Variants in CIC observed in about 807,000 individuals in gnomAD.
CIC encodes capicua transcriptional repressor.
Under a neutral mutation model 115.7 loss-of-function variants are expected in CIC, and 18 were observed. The observed-to-expected ratio is 0.16, with a 90% CI of 0.11 to 0.23. The LOEUF is 0.23. Ranked by LOEUF, CIC falls within the 10% of genes least tolerant of loss-of-function variation. CIC has a pLI of 1.00. For synonymous variants in CIC, 1,076 were observed against 923.0 expected (o/e 1.17, Z -3.01); for missense variants, 2,000 against 2,159.3 (o/e 0.93, Z 1.46).
At position 42,288,696 on chromosome 19, in the gene CIC, C is replaced by T. The variant is rs851608; in HGVS notation, c.3659-192C>T. On this transcript the variant is annotated intron_variant, in intron 7 of 20. Coordinates refer to ENST00000681038, the MANE Select transcript of CIC (RefSeq NM_001386298.1). The stretch of plus-strand genomic sequence containing the variant: ...CCCCAGGGAATGGGCCTGCTGCAAC[C>T]CCAGAGGGCAGGAATCAGCAGGAAT... Among the ~76,000 whole-genome samples the T allele has an allele frequency of 9.8e-3, 1,494 of 152,156 alleles. 32 individuals carry two copies. Among genetic ancestry groups the T allele is most frequent in the African/African-American group, 0.034 (1,428 of 41,518 alleles).
chr19:42,276,950 G>A (rs2147051732), intron 2 of CIC, among the ~76,000 whole-genome samples: 1 of 152,310 alleles, frequency 6.6e-6, no homozygotes, highest in South Asian at 2.1e-4. Flanking sequence ...AGTCTTGATT[G>A]AGGCCAGCCA....
rs2038084685 is a variant in CIC, at chr19:42,291,350, G to C, written c.5309G>C (p.Ser1770Thr). The change falls in exon 11 of 21, where the codon AGC (serine) becomes ACC (threonine). Residue 1770 changes from serine to threonine, a missense_variant. Ser to Thr is a moderately conservative substitution (Grantham distance 58, BLOSUM62 1). This residue lies in a region of CIC where 1,466 missense variants were observed against 1,390.4 expected (regional missense o/e 1.05). Coordinates refer to ENST00000681038, the MANE Select transcript of CIC (RefSeq NM_001386298.1). Reference sequence around the variant, plus strand: ...CCCAGCGGCCCTGCACCCACCACCAGCATCCGTTTCACCCTCCCACCGGGC... The same window carrying C: ...CCCAGCGGCCCTGCACCCACCACCACCATCCGTTTCACCCTCCCACCGGGC... ...AAPSGPAPTT[S>T]IRFTLPPGTS... The C allele has an allele frequency of 6.2e-7, 1 of 1,612,710 alleles. No homozygotes were observed. Among genetic ancestry groups the C allele is most frequent in the African/African-American group, 1.3e-5 (1 of 75,006 alleles).
chr19:42,272,808 C>A lies in CIC; in HGVS notation c.1025C>A (p.Pro342His). The change falls in exon 2 of 21, where the codon CCC becomes CAC. Residue 342 changes from proline (P) to histidine (H), a missense_variant. Pro to His is a moderately conservative substitution (Grantham distance 77). Transcript: ENST00000681038. ...TCCAGCCTACGCCTGCTGCGCCCCC[C>A]CTGGGAACCTGAGACCATGCTGAGG... Reference protein sequence around the residue: ...ARSSLRLLRPPWEPETMLRKP... With the variant: ...ARSSLRLLRPHWEPETMLRKP... 2.5e-6 allele frequency: 1 copy of A among 399,040 alleles called. No individual in the cohort carries two copies. Among genetic ancestry groups the A allele is most frequent in the Non-Finnish European group, 4.4e-6 (1 of 226,408 alleles). The allele number at this position is 399,040 out of a possible 1,614,324, so 24.7% of individuals were successfully genotyped here.
rs2147197977 is a variant in CIC, at chr19:42,287,626, C to A, written c.3391C>A (p.His1131Asn). ...GCACCGGGCCCTGGTCCACCAGCGT[C>A]ATCCCAACCAGGACAACCGGACCGT... ...KRHRALVHQRHPNQDNRTVSK... is the reference protein window; with the variant it reads ...KRHRALVHQRNPNQDNRTVSK... Residue 1131 changes from histidine to asparagine, a missense_variant, in exon 6 of 21, where the codon CAT becomes AAT. Physicochemically the swap from His to Asn is moderately conservative, Grantham distance 68. This residue lies in a region of CIC where 22 missense variants were observed against 93.8 expected (regional missense o/e 0.23). Transcript: ENST00000681038. The surrounding 1 kb of genome is among the most constrained non-coding windows in gnomAD (Gnocchi z 8.7). 2 of 1,614,024 alleles carry A rather than the reference C, an allele frequency of 1.2e-6. No homozygotes were observed. The highest frequency in any genetic ancestry group is 1.7e-6 in the Non-Finnish European group (2 of 1,180,050).
intron 2 of CIC, among the ~76,000 whole-genome samples, chr19:42,285,036 AG>A (rs2037531751): frequency 6.6e-6 from 1 of 151,988 alleles, no homozygotes; most frequent in African/African-American, 2.4e-5. Flanking sequence ...AGGGGTGCAG[AG>A]TAACTGGCTC....
At position 42,295,100 on chromosome 19, in the gene CIC, C is replaced by T; in HGVS notation, c.7463C>T (p.Pro2488Leu). ...AQAAPPLPPP[P>L]ESGPGQPGWE... Reference sequence around the variant, plus strand: ...GCTGCCCCGCCACTGCCTCCACCCCCAGAGTCGGGGCCTGGACAGCCTGGC... The same window carrying T: ...GCTGCCCCGCCACTGCCTCCACCCCTAGAGTCGGGGCCTGGACAGCCTGGC... Residue 2488 changes from proline (P) to leucine (L), a missense_variant, in exon 21 of 21, where the codon CCA becomes CTA. Transcript: ENST00000681038. The T allele has an allele frequency of 1.3e-6, 2 of 1,526,830 alleles. No individual in the cohort carries two copies. The highest frequency in any genetic ancestry group is 1.8e-6 in the Non-Finnish European group (2 of 1,142,416). The allele number at this position is 1,526,830 out of a possible 1,614,324, so 94.6% of individuals were successfully genotyped here. A position where few individuals can be genotyped will look rare whatever the true frequency, so the allele number is the denominator to read the frequency against.
chr19:42,271,607 C>T (rs1044545529), intron 1 of CIC, among the ~76,000 whole-genome samples, 167 bp from the exon 2 acceptor site: 2 of 152,118 alleles, frequency 1.3e-5, no homozygotes, highest in Non-Finnish European at 2.9e-5. Context: ...CTCACCTGTG[C>T]CTGGTGCTGA....
At chr19:42,269,996 G>T (rs1378699617) in intron 1 of CIC, among the ~76,000 whole-genome samples, 1 of 152,136 alleles carries the variant, frequency 6.6e-6, no homozygotes, top group Non-Finnish European at 1.5e-5. Flanking sequence ...AGGGTGGACA[G>T]GAAGAGAGTA....
intron 2 of CIC, chr19:42,284,643 G>A: frequency 1.5e-6 from 2 of 1,327,392 alleles, no homozygotes; most frequent in African/African-American, 3.0e-5. Flanking sequence ...CGGGCTGCGG[G>A]CGGAGCGGCG....
chr19:42,291,252 C>T lies in CIC; in HGVS notation c.5211C>T (p.Ile1737=), dbSNP rs45535837. 3.9e-3 allele frequency: 6,301 copies of T among 1,612,332 alleles called. 9 individuals carry two copies. The highest frequency in any genetic ancestry group is 4.8e-3 in the Non-Finnish European group (5,681 of 1,179,682). The part of the protein sequence containing the change: ...KAGGITQVQY[I]LPTLPQQLQV... Reference sequence around the variant, plus strand: ...GGGGAATCACCCAGGTACAGTACATCCTGCCCACGCTGCCCCAGCAGCTTC... The same window carrying T: ...GGGGAATCACCCAGGTACAGTACATTCTGCCCACGCTGCCCCAGCAGCTTC... The change falls in exon 11 of 21, where the codon ATC becomes ATT. Residue 1737 remains isoleucine, a synonymous_variant. Transcript: ENST00000681038.
chr19:42,288,735 G>A (rs527746221), intron 7 of CIC, among the ~76,000 whole-genome samples, 153 bp from the exon 8 acceptor site: 12 of 151,878 alleles, frequency 7.9e-5, no homozygotes, highest in Non-Finnish European at 1.5e-4. Context: ...ATGCTGGACT[G>A]GTGGTGGGTG....
rs752892028 is a variant in CIC at position 42,289,247 on chromosome 19, T to C, written c.3928T>C (p.Phe1310Leu). ...PSTQYGAPGP[F>L]AAPGEGGALA... Reference sequence around the variant, plus strand: ...TACCCAGTATGGAGCTCCAGGACCCTTTGCAGCCCCTGGTGAGGGAGGTGC... The same window carrying C: ...TACCCAGTATGGAGCTCCAGGACCCCTTGCAGCCCCTGGTGAGGGAGGTGC... The change falls in exon 9 of 21, where the codon TTT becomes CTT. Residue 1310 changes from phenylalanine to leucine, a missense_variant. Phe to Leu is a conservative substitution (Grantham distance 22). Around this residue, in one of 8 missense-constraint regions of CIC, gnomAD observed 1,466 missense variants for 1,390.4 expected, o/e 1.05. Transcript: ENST00000681038. 5.6e-6 allele frequency: 9 copies of C among 1,613,550 alleles called. No individual in the cohort carries two copies. The highest frequency in any genetic ancestry group is 1.7e-4 in the Middle Eastern group (1 of 5,972).
At chr19:42,288,833 C>T in intron 7 of CIC, 55 bp from the exon 8 acceptor site, 1 of 1,521,718 alleles carries the variant, frequency 6.6e-7, no homozygotes, top group Non-Finnish European at 9.1e-7. Flanking sequence ...TTGGGCCAGT[C>T]TAGGTGCTGG....
chr19:42,289,142 A>G (rs749752434), intron 8 of CIC, 39 bp from the exon 9 acceptor site: 3 of 1,613,078 alleles, frequency 1.9e-6, no homozygotes, highest in African/African-American at 2.7e-5. Context: ...TGTCCAGGGC[A>G]GCAGCCCCGC....
In CIC at chr19:42,291,614, C is replaced by G. The variant is rs1568519274; in HGVS notation, c.5482C>G (p.Pro1828Ala). ...PPPGGSAQLL[P>A]GKVLVPLAAP... ...CCCGGGTGGCTCAGCCCAGCTGCTG[C>G]CTGGGAAGGTCCTAGTGCCTCTGGC... The change falls in exon 12 of 21, where the codon CCT (proline) becomes GCT (alanine). Residue 1828 changes from proline to alanine, a missense_variant. Pro to Ala is a conservative substitution (Grantham distance 27). Around this residue, in one of 8 missense-constraint regions of CIC, gnomAD observed 1,466 missense variants for 1,390.4 expected, o/e 1.05. Coordinates refer to ENST00000681038, the MANE Select transcript of CIC (RefSeq NM_001386298.1). The G allele has an allele frequency of 6.2e-7, 1 of 1,613,020 alleles. No individual in the cohort carries two copies. The highest frequency in any genetic ancestry group is 8.5e-7 in the Non-Finnish European group (1 of 1,180,006).
chr19:42,273,884 A>G lies in CIC; in HGVS notation c.2101A>G (p.Thr701Ala). The G allele has an allele frequency of 2.5e-6, 1 of 398,052 alleles. No individual in the cohort carries two copies. The allele number at this position is 398,052 out of a possible 1,614,324, so 24.7% of individuals were successfully genotyped here. A position where few individuals can be genotyped will look rare whatever the true frequency, so the allele number is the denominator to read the frequency against. Residue 701 changes from threonine (T) to alanine (A), a missense_variant, in exon 2 of 21, where the codon ACC (threonine) becomes GCC (alanine). Thr to Ala is a moderately conservative substitution (Grantham distance 58). Around this residue, in one of 8 missense-constraint regions of CIC, gnomAD observed 222 missense variants for 247.7 expected, o/e 0.90. Coordinates refer to ENST00000681038, the MANE Select transcript of CIC (RefSeq NM_001386298.1). Reference protein sequence around the residue: ...HSSGILPTFQTNLTFTVPISP... With the variant: ...HSSGILPTFQANLTFTVPISP... ...CTCTGGAATCCTACCCACCTTCCAG[A>G]CCAACCTGACCTTCACCGTGCCCAT...
At chr19:42,293,473 C>A (rs1277589531) in intron 16 of CIC, 119 bp from the exon 17 acceptor site, 9 of 1,530,902 alleles carry the variant, frequency 5.9e-6, no homozygotes, top group Non-Finnish European at 8.0e-6. Context: ...TTCCTGAGGC[C>A]GTGTGACAGC....
rs1003581752 is a variant in CIC, at chr19:42,291,226, G to A, written c.5185G>A (p.Gly1729Arg). 3.1e-6 allele frequency: 5 copies of A among 1,611,294 alleles called. No homozygotes were observed. The highest frequency in any genetic ancestry group is 2.2e-5 in the South Asian group (2 of 90,890). ...GCAACCAGGTGCCCTGGGCAAGGCT[G>A]GGGGAATCACCCAGGTACAGTACAT... ...ILQPGALGKA[G>R]GITQVQYILP... The change falls in exon 11 of 21, where the codon GGG (glycine) becomes AGG (arginine). Residue 1729 changes from glycine to arginine, a missense_variant. Physicochemically the swap from Gly to Arg is moderately radical, Grantham distance 125. Coordinates refer to ENST00000681038, the MANE Select transcript of CIC (RefSeq NM_001386298.1).
At chr19:42,269,898 G>GGGCCTGGGCT (rs1023437775) in intron 1 of CIC, among the ~76,000 whole-genome samples, 3 of 152,080 alleles carry the variant, frequency 2.0e-5, no homozygotes, top group Admixed American at 1.3e-4. Flanking sequence ...CAAAGAGCCA[G>GGGCCTGGGCT]GGCCTGGGCT....
Sources: gnomAD v4.1 joint callset for allele counts (sites outside exome capture counted in the v4.1 genomes callset) on GRCh38, gnomAD v4.1.1 for gene constraint, gnomAD v4.1.1 regional missense constraint, Gnocchi (gnomAD v3.1) non-coding constraint, MANE v1.5 for transcripts, NCBI Gene and HGNC (gene_info 2026-07-23, HGNC 2026-07-21) for gene names.